CNTN3: variants seen among roughly 807,000 people sequenced by gnomAD.
The protein encoded by CNTN3 is contactin 3.
In CNTN3, 60 loss-of-function variants were observed where a neutral mutation model predicts 119.1. That is an observed-to-expected ratio of 0.50 (90% confidence interval 0.41 to 0.62). The LOEUF is 0.62. CNTN3 is among the 20% of genes least tolerant of loss of function. The probability of loss-of-function intolerance (pLI) is 0.00; values close to 1 mark genes in which losing one functional copy is unlikely to be tolerated. For synonymous variants in CNTN3, 450 were observed against 438.7 expected, an observed-to-expected ratio of 1.03 and a Z score of -0.32; for missense variants, 1,101 against 1,242.4, an observed-to-expected ratio of 0.89 and a Z score of 1.71.
intron 4 of CNTN3, among the ~76,000 whole-genome samples, chr3:74,455,235 C>T (rs533347654): frequency 3.9e-4 from 59 of 152,136 alleles, no homozygotes; most frequent in African/African-American, 1.1e-3. Flanking sequence ...CTTCCCTTCT[C>T]GCTTCATTTC....
intron 13 of CNTN3, among the ~76,000 whole-genome samples, chr3:74,318,532 T>C (rs1342693646): frequency 6.6e-6 from 1 of 152,198 alleles, no homozygotes; most frequent in African/African-American, 2.4e-5. Context: ...ATGTCCTTTC[T>C]GTTAGTTTTC....
chr3:74,531,678 A>G (rs987129758), intron 1 of CNTN3, among the ~76,000 whole-genome samples: 5 of 151,860 alleles, frequency 3.3e-5, no homozygotes, highest in African/African-American at 1.2e-4. Context: ...AGGAAGATGA[A>G]CTCCCTTCTG....
chr3:74,392,602 T>C (rs919616965), intron 5 of CNTN3, among the ~76,000 whole-genome samples: 7 of 152,166 alleles, frequency 4.6e-5, no homozygotes, highest in Non-Finnish European at 8.8e-5. Context: ...GAGCATATAG[T>C]AGCATACACG....
intron 4 of CNTN3, among the ~76,000 whole-genome samples, chr3:74,482,684 A>G (rs1349528817): frequency 2.0e-5 from 3 of 152,100 alleles, no homozygotes. Flanking sequence ...ATAAATATAC[A>G]ACATAGTCAA....
intron 5 of CNTN3, among the ~76,000 whole-genome samples, chr3:74,422,106 G>A (rs1575709133): frequency 1.3e-5 from 2 of 152,268 alleles, no homozygotes; most frequent in East Asian, 1.9e-4. Context: ...AACCAGCCTT[G>A]TACTAGGCTC....
At chr3:74,499,975 C>T (rs1703136100) in intron 2 of CNTN3, among the ~76,000 whole-genome samples, 190 bp from the exon 3 acceptor site, 1 of 152,074 alleles carries the variant, frequency 6.6e-6, no homozygotes, top group Non-Finnish European at 1.5e-5. Flanking sequence ...ATAGTACCAC[C>T]TCTATGAGAA....
intron 1 of CNTN3, among the ~76,000 whole-genome samples, chr3:74,553,506 G>A (rs186786063): frequency 3.3e-5 from 5 of 152,172 alleles, no homozygotes; most frequent in South Asian, 2.1e-4. Context: ...TTGAGGAATC[G>A]CCACTCTGTC....
At chr3:74,445,932 T>C (rs898116280) in intron 4 of CNTN3, among the ~76,000 whole-genome samples, 2 of 152,198 alleles carry the variant, frequency 1.3e-5, no homozygotes, top group Admixed American at 1.3e-4. Context: ...GAGGGTATCA[T>C]TCACAGAAAC....
At position 74,360,547 on chromosome 3, in the gene CNTN3, A is replaced by T. The variant is rs1381780064; in HGVS notation, c.1364+1343T>A. ...CTATTGCTGTTATAAATGACCACAA[A>T]CCTGATGACCTAAAACAACATCAAT... On this transcript the variant is annotated intron_variant, in intron 11 of 22. Coordinates refer to ENST00000263665, the MANE Select transcript of CNTN3 (RefSeq NM_020872.3). 3.3e-5 allele frequency among the ~76,000 whole-genome samples: 5 copies of T among 152,152 alleles called. No individual in the cohort carries two copies. In the East Asian group the frequency reaches 9.6e-4, roughly 29 times the overall value.
intron 3 of CNTN3, among the ~76,000 whole-genome samples, chr3:74,493,875 A>C (rs1273892617): frequency 6.6e-6 from 1 of 152,158 alleles, no homozygotes; most frequent in Non-Finnish European, 1.5e-5. Context: ...TTTTTTAAAA[A>C]ATTGAATGTT....
chr3:74,496,858 A>G (rs2107071217), intron 3 of CNTN3, among the ~76,000 whole-genome samples: 1 of 152,144 alleles, frequency 6.6e-6, no homozygotes, highest in East Asian at 1.9e-4. Context: ...GAATTTCTGA[A>G]CTTTTGGATT....
chr3:74,528,150 T>A (rs1703645639), intron 1 of CNTN3, among the ~76,000 whole-genome samples: 1 of 151,808 alleles, frequency 6.6e-6, no homozygotes, highest in Admixed American at 6.6e-5. Flanking sequence ...CAAAGACAAA[T>A]TTAAATAATT....
At chr3:74,425,758 T>C (rs1283482975) in intron 4 of CNTN3, among the ~76,000 whole-genome samples, 1 of 152,190 alleles carries the variant, frequency 6.6e-6, no homozygotes, top group African/African-American at 2.4e-5. Flanking sequence ...TTATTCTACC[T>C]ATAATTATTT....
rs548132789 is a variant in CNTN3 at position 74,468,024 on chromosome 3, A to C, written c.358+18432T>G. 7.9e-5 allele frequency among the ~76,000 whole-genome samples: 12 copies of C among 152,350 alleles called. No individual in the cohort carries two copies. In the East Asian group the frequency reaches 2.3e-3, roughly 29 times the overall value. On this transcript the variant is annotated intron_variant, in intron 4 of 22. Transcript: ENST00000263665. The stretch of plus-strand genomic sequence containing the variant: ...AAACCCCCATGGAAGAATGCCAGTT[A>C]ATCAAAGGGCCAAATGGGCTGATAA...
chr3:74,563,089 G>A (rs183037413), intron 1 of CNTN3, among the ~76,000 whole-genome samples: 130 of 152,208 alleles, frequency 8.5e-4, no homozygotes, highest in African/African-American at 3.0e-3. Flanking sequence ...CTTTTCTGGA[G>A]GAATGGCTTT....
chr3:74,472,899 C>T (rs747738560), intron 4 of CNTN3, among the ~76,000 whole-genome samples: 9 of 152,086 alleles, frequency 5.9e-5, no homozygotes, highest in East Asian at 3.9e-4. Context: ...TAGGCTTCTA[C>T]GGATTTTAAC....
intron 19 of CNTN3, among the ~76,000 whole-genome samples, chr3:74,285,790 G>GAGATAT (rs1702099696): frequency 1.8e-5 from 1 of 56,514 alleles, no homozygotes; most frequent in Non-Finnish European, 4.0e-5. Flanking sequence ...ATGAAGGGGA[G>GAGATAT]ATATATATAT....
intron 2 of CNTN3, among the ~76,000 whole-genome samples, chr3:74,511,346 T>G (rs1236886325): frequency 6.6e-6 from 1 of 152,076 alleles, no homozygotes; most frequent in African/African-American, 2.4e-5. Flanking sequence ...GCAAAATAAG[T>G]TGATTTATCA....
intron 1 of CNTN3, among the ~76,000 whole-genome samples, chr3:74,534,042 A>G (rs1703728975): frequency 6.6e-6 from 1 of 152,068 alleles, no homozygotes; most frequent in African/African-American, 2.4e-5. Flanking sequence ...CATCATCAGA[A>G]GACTGGAGAA....
Sources: allele counts gnomAD v4.1 joint callset (sites outside exome capture counted in the v4.1 genomes callset), GRCh38; gene constraint gnomAD v4.1.1; transcripts MANE v1.5; gene names NCBI Gene and HGNC (gene_info 2026-07-23, HGNC 2026-07-21).